TLN2: variants seen among roughly 807,000 people sequenced by gnomAD.
TLN2 encodes the protein talin-2.
TLN2 carries 118 observed loss-of-function variants against 294.7 expected under a neutral mutation model. The ratio of observed to expected loss-of-function variants is 0.40; its 90% CI spans 0.34 to 0.47. TLN2 has a LOEUF of 0.47. Among genes scored for constraint, TLN2 ranks in the 20% least tolerant of loss-of-function variants. The pLI, the probability that TLN2 is intolerant of heterozygous loss-of-function variation, is 0.84. For missense variants in TLN2, 3,083 were observed against 3,282.2 expected (o/e 0.94, Z 1.48); for synonymous variants, 1,431 against 1,304.5 (o/e 1.10, Z -2.09).
At chr15:62,823,869 G>A (rs1046619730) in intron 54 of TLN2, 1 of 453,076 alleles carries the variant, frequency 2.2e-6, no homozygotes, top group Non-Finnish European at 4.5e-6. Flanking sequence ...ACAGTTATCG[G>A]AGTTGCTGCA....
At chr15:62,809,018 G>A (rs1239570309) in intron 51 of TLN2, among the ~76,000 whole-genome samples, 1 of 152,166 alleles carries the variant, frequency 6.6e-6, no homozygotes, top group Non-Finnish European at 1.5e-5. Flanking sequence ...TGTGTGATTT[G>A]TGTTTGTCCT....
intron 1 of TLN2, among the ~76,000 whole-genome samples, chr15:62,497,820 A>G (rs899068922): frequency 6.6e-6 from 1 of 151,884 alleles, no homozygotes; most frequent in East Asian, 1.9e-4. Flanking sequence ...CCTTTTTTCC[A>G]TGGTGGGGTT....
chr15:62,527,360 C>T (rs1359659887), intron 1 of TLN2, among the ~76,000 whole-genome samples: 1 of 152,062 alleles, frequency 6.6e-6, no homozygotes, highest in African/African-American at 2.4e-5. Context: ...GGATAAAATT[C>T]CCAGTGCCTC....
chr15:62,836,863 T>C (rs2069696224), intron 57 of TLN2, among the ~76,000 whole-genome samples: 2 of 152,240 alleles, frequency 1.3e-5, no homozygotes. Flanking sequence ...TACATTCTGC[T>C]TTCTTTTCAC....
chr15:62,756,055 C>T (rs962767551), intron 37 of TLN2, among the ~76,000 whole-genome samples: 9 of 152,102 alleles, frequency 5.9e-5, no homozygotes, highest in African/African-American at 2.2e-4. Context: ...TTACTTGCAG[C>T]GTTTTTGGGT....
At chr15:62,629,997 A>C (rs2049632093) in intron 3 of TLN2, among the ~76,000 whole-genome samples, 1 of 152,176 alleles carries the variant, frequency 6.6e-6, no homozygotes, top group Admixed American at 6.5e-5. Context: ...ATGTCTTTAA[A>C]GTCAGGAAAT....
In TLN2 at chr15:62,833,454, G is replaced by A. The variant is rs763417669; in HGVS notation, c.7003-50G>A. The stretch of plus-strand genomic sequence containing the variant: ...GGCAGTAAGTAGTTTGGAAGAAAGA[G>A]CCCTTTGTGGATATGAATTGAATGT... On this transcript the variant is annotated intron_variant, in intron 54 of 58. Transcript: ENST00000636159. The A allele has an allele frequency of 7.5e-6, 12 of 1,595,138 alleles. No homozygotes were observed. The East Asian group carries it at 2.7e-4, about 36-fold the overall frequency.
intron 48 of TLN2, 55 bp downstream of exon 48, chr15:62,797,457 A>G (rs1469531308): frequency 1.1e-5 from 16 of 1,512,652 alleles, no homozygotes; most frequent in Admixed American, 6.9e-5. Context: ...AACGCTGCAC[A>G]TCGGGCCTCA....
chr15:62,466,832 G>T (rs2037160723), intron 1 of TLN2, among the ~76,000 whole-genome samples: 2 of 152,318 alleles, frequency 1.3e-5, no homozygotes, highest in Non-Finnish European at 1.5e-5. Flanking sequence ...GGATGCTGAT[G>T]ACACTGACTC....
intron 50 of TLN2, among the ~76,000 whole-genome samples, chr15:62,802,458 A>G (rs1406232152): frequency 2.6e-5 from 4 of 152,064 alleles, no homozygotes; most frequent in Non-Finnish European, 5.9e-5. Flanking sequence ...TATTGAAGAG[A>G]TATCTGCACT....
chr15:62,413,606 A>C (rs967011892), intron 1 of TLN2, among the ~76,000 whole-genome samples: 1 of 152,234 alleles, frequency 6.6e-6, no homozygotes, highest in African/African-American at 2.4e-5. Context: ...TTGTGTTCAA[A>C]GTCATGGCGT....
Position 62,698,960 on chromosome 15 carries a change from A to G in TLN2, c.1587+93A>G, listed in dbSNP as rs137960542. 328 of 1,215,904 alleles carry G rather than the reference A, an allele frequency of 2.7e-4. 1 individual carries two copies. The East Asian group carries it at 5.7e-3, about 21-fold the overall frequency. 75.3% of individuals were successfully genotyped at this position (1,215,904 alleles called of 1,614,324 possible). A position where few individuals can be genotyped will look rare whatever the true frequency, so the allele number is the denominator to read the frequency against. On this transcript the variant is annotated intron_variant, in intron 16 of 58. Coordinates refer to ENST00000636159, the MANE Select transcript of TLN2 (RefSeq NM_015059.3). ...TCGGGATTCATCTAGGTAAATTTCT[A>G]TCTCTAGGTGAAATGGAAACCCATG...
At chr15:62,403,515 G>T (rs290299) in intron 1 of TLN2, among the ~76,000 whole-genome samples, 54,669 of 151,878 alleles carry the variant, frequency 0.36, 10,563 homozygotes, top group Middle Eastern at 0.59. Context: ...TTACAGGCAT[G>T]AGCCACTGTG....
intron 1 of TLN2, among the ~76,000 whole-genome samples, chr15:62,426,182 G>A (rs570943213): frequency 2.0e-5 from 3 of 152,314 alleles, no homozygotes; most frequent in African/African-American, 4.8e-5. Flanking sequence ...GGTGACTCCC[G>A]CTGTCACTCC....
intron 1 of TLN2, among the ~76,000 whole-genome samples, chr15:62,437,158 A>G (rs532991894): frequency 6.6e-6 from 1 of 152,302 alleles, no homozygotes; most frequent in Non-Finnish European, 1.5e-5. Context: ...TCTCTCATTG[A>G]TTATGAGCCA....
chr15:62,746,780 G>A (rs1282101687), intron 32 of TLN2, among the ~76,000 whole-genome samples: 2 of 152,232 alleles, frequency 1.3e-5, no homozygotes, highest in African/African-American at 2.4e-5. Context: ...TGCCAGAAGC[G>A]TGGACCAGTT....
chr15:62,578,829 G>T (rs2044667630), intron 1 of TLN2, among the ~76,000 whole-genome samples: 1 of 151,966 alleles, frequency 6.6e-6, no homozygotes, highest in Non-Finnish European at 1.5e-5. Context: ...GGAGGACTTA[G>T]TCAGGGAGCA....
Position 62,835,676 on chromosome 15 carries a change from AGGGGCTGCGACCACT to A in TLN2, c.7129-52_7129-38del, listed in dbSNP as rs746475094. ...GGTTCCCGAGCAAGGTCTGGGGATG[AGGGGCTGCGACCACT>A]GGGGCTGCCTGCCCTCATGGCCAAT... is the stretch of plus-strand genomic sequence containing the variant. On this transcript the variant is annotated intron_variant, in intron 55 of 58. Coordinates refer to ENST00000636159, the MANE Select transcript of TLN2 (RefSeq NM_015059.3). The A allele has an allele frequency of 9.0e-4, 1,427 of 1,589,190 alleles. 5 individuals are homozygous for A. The highest frequency in any genetic ancestry group is 1.7e-3 in the Admixed American group (103 of 59,954).
At chr15:62,631,442 C>T (rs182198747) in intron 3 of TLN2, among the ~76,000 whole-genome samples, 7 of 150,862 alleles carry the variant, frequency 4.6e-5, no homozygotes, top group Admixed American at 2.7e-4. Context: ...TTCTTCCTTT[C>T]TTCCTTCCTT....
Sources: allele counts gnomAD v4.1 joint callset (sites outside exome capture counted in the v4.1 genomes callset), GRCh38; gene constraint gnomAD v4.1.1; transcripts MANE v1.5; gene names NCBI Gene and HGNC (gene_info 2026-07-23, HGNC 2026-07-21).